The following DMD variants were observed in gnomAD, a reference collection of about 807,000 sequenced individuals.
The protein encoded by DMD is mutant dystrophin.
DMD carries 63 observed loss-of-function variants against 330.1 expected under a neutral mutation model. That is an observed-to-expected ratio of 0.19 (90% CI 0.16 to 0.24). DMD has a LOEUF of 0.24. Ranked by LOEUF, DMD falls within the 10% of genes least tolerant of loss-of-function variation. The pLI, the probability that DMD is intolerant of heterozygous loss-of-function variation, is 1.00. For missense variants in DMD, 3,344 were observed against 2,684.1 expected, an observed-to-expected ratio of 1.25 and a Z score of -5.43; for synonymous variants, 1,223 against 959.8, an observed-to-expected ratio of 1.27 and a Z score of -5.07.
chrX:31,692,009 T>C (rs1436897099), intron 52 of DMD, among the ~76,000 whole-genome samples: 1 of 111,832 alleles, frequency 8.9e-6, no homozygotes, highest in Non-Finnish European at 1.9e-5. Context: ...TTCTCCAGGA[T>C]AGATCATATG....
intron 44 of DMD, among the ~76,000 whole-genome samples, chrX:32,199,053 C>A (rs750415099): frequency 8.9e-6 from 1 of 112,015 alleles, no homozygotes; most frequent in East Asian, 2.8e-4. Flanking sequence ...AATGTGTATA[C>A]GTATTGACGT....
intron 1 of DMD, among the ~76,000 whole-genome samples, chrX:33,295,729 C>G (rs2053574289): frequency 9.0e-6 from 1 of 111,389 alleles, no homozygotes; most frequent in Admixed American, 9.6e-5. Flanking sequence ...GTGCAATAAA[C>G]AGACCCACAT....
intron 2 of DMD, among the ~76,000 whole-genome samples, chrX:32,865,322 AT>A (rs200271694): frequency 0.028 from 3,114 of 111,508 alleles, 116 homozygotes; most frequent in African/African-American, 0.096. Flanking sequence ...ATTAATAGTG[AT>A]TTTTTTGTCG....
At chrX:33,243,445 G>T (rs1052766547) in intron 1 of DMD, among the ~76,000 whole-genome samples, 2 of 111,609 alleles carry the variant, frequency 1.8e-5, no homozygotes, top group Admixed American at 9.5e-5. Flanking sequence ...GCTTAAATAC[G>T]GTTGGTGACA....
intron 21 of DMD, among the ~76,000 whole-genome samples, chrX:32,476,950 C>CAAT (rs2148516791): frequency 9.0e-6 from 1 of 111,166 alleles, no homozygotes; most frequent in Admixed American, 9.6e-5. Flanking sequence ...ATAAACATAT[C>CAAT]CAATCTAATA....
chrX:31,579,582 T>C (rs779571692), intron 55 of DMD, among the ~76,000 whole-genome samples: 2 of 112,440 alleles, frequency 1.8e-5, no homozygotes, highest in South Asian at 7.4e-4. Flanking sequence ...AATTTTAATA[T>C]TCATTTAGTT....
At chrX:32,476,448 C>A (rs1373683619) in intron 21 of DMD, among the ~76,000 whole-genome samples, 2 of 111,344 alleles carry the variant, frequency 1.8e-5, no homozygotes, top group African/African-American at 6.5e-5. Context: ...AAATAAACTT[C>A]CAAAGATTGG....
rs1012852339 is a variant in DMD at position 31,380,525 on chromosome X, T to C, written c.9085-31891A>G. Among the ~76,000 whole-genome samples the C allele has an allele frequency of 1.4e-4, 16 of 111,196 alleles. 1 individual carries two copies. Among genetic ancestry groups the C allele is most frequent in the Admixed American group, 7.7e-4 (8 of 10,409 alleles). Reference sequence around the variant, plus strand: ...ACAGCACGCTTTAAAAGGATTACAGTCTGTTATCACTCGCCTGCTACAGCA... The same window carrying C: ...ACAGCACGCTTTAAAAGGATTACAGCCTGTTATCACTCGCCTGCTACAGCA... On this transcript the variant is annotated intron_variant, in intron 60 of 78. Coordinates refer to ENST00000357033, the MANE Select transcript of DMD (RefSeq NM_004006.3).
At chrX:32,508,878 T>A (rs1178185721) in intron 18 of DMD, among the ~76,000 whole-genome samples, 1 of 110,778 alleles carries the variant, frequency 9.0e-6, no homozygotes, top group Non-Finnish European at 1.9e-5. Flanking sequence ...TGGCGCAATC[T>A]TGGCTCACTG....
In DMD at chrX:31,663,662, C is replaced by T. The variant is rs774877108; in HGVS notation, c.7873-5518G>A. Among the ~76,000 whole-genome samples, 9 of 111,318 alleles carry T rather than the reference C, an allele frequency of 8.1e-5. No individual in the cohort carries two copies. In the East Asian group the frequency reaches 2.6e-3, roughly 32 times the overall value. The stretch of plus-strand genomic sequence containing the variant: ...AAGTTGATTTCACCATCTGGGCACC[C>T]ATCTATTCTGGGATCCTCCTCCACA... On this transcript the variant is annotated intron_variant, in intron 53 of 78. Transcript: ENST00000357033.
intron 44 of DMD, among the ~76,000 whole-genome samples, chrX:31,971,666 G>A (rs1398840257): frequency 9.0e-6 from 1 of 111,563 alleles, no homozygotes; most frequent in Non-Finnish European, 1.9e-5. Context: ...TGTATGTGGT[G>A]TTTTCTGAGC....
intron 62 of DMD, among the ~76,000 whole-genome samples, chrX:31,314,370 C>T (rs1191193159): frequency 8.9e-6 from 1 of 112,043 alleles, no homozygotes; most frequent in Non-Finnish European, 1.9e-5. Context: ...CCTTCTAAAG[C>T]AACAAAGAAG....
At position 32,148,927 on chromosome X, in the gene DMD, A is replaced by G. The variant is rs1302038334; in HGVS notation, c.6438+67989T>C. On this transcript the variant is annotated intron_variant, in intron 44 of 78. Transcript: ENST00000357033. ...GCTAAAATGGTTTCCGAGCATTACA[A>G]GAAGAGTTCACTTGGCTACTGTCTT... 2.7e-5 allele frequency among the ~76,000 whole-genome samples: 3 copies of G among 111,898 alleles called. No homozygotes were observed. The Admixed American group carries it at 2.9e-4, about 11-fold the overall frequency.
chrX:32,685,694 G>A (rs1445951664), intron 9 of DMD, among the ~76,000 whole-genome samples: 2 of 111,632 alleles, frequency 1.8e-5, no homozygotes, highest in Non-Finnish European at 3.8e-5. Context: ...ATCTGGATTT[G>A]CTACACATAA....
intron 1 of DMD, among the ~76,000 whole-genome samples, chrX:33,231,538 C>A (rs2052387908): frequency 9.0e-6 from 1 of 111,686 alleles, no homozygotes; most frequent in Admixed American, 9.5e-5. Flanking sequence ...AGCCATGTCC[C>A]TGGCAAGAAA....
intron 17 of DMD, among the ~76,000 whole-genome samples, chrX:32,522,616 A>G (rs2046554049): frequency 8.9e-6 from 1 of 112,398 alleles, no homozygotes; most frequent in Non-Finnish European, 1.9e-5. Context: ...ATAAAGAACA[A>G]AATTTCAACA....
At chrX:31,798,547 TAA>T (rs771274667) in intron 50 of DMD, among the ~76,000 whole-genome samples, 12 of 86,019 alleles carry the variant, frequency 1.4e-4, no homozygotes, top group Admixed American at 3.9e-4. Flanking sequence ...TGGAATGAAG[TAA>T]AAAAAAAAAA....
chrX:32,807,122 T>TAAAAAAAAA (rs999286386), intron 7 of DMD, among the ~76,000 whole-genome samples: 7 of 20,741 alleles, frequency 3.4e-4, no homozygotes, highest in Admixed American at 1.3e-3. Flanking sequence ...CGGAAACATT[T>TAAAAAAAAA]AAAAAAAAAA....
intron 43 of DMD, among the ~76,000 whole-genome samples, chrX:32,230,505 A>G (rs1260400662): frequency 1.8e-5 from 2 of 111,697 alleles, no homozygotes; most frequent in Admixed American, 1.9e-4. Context: ...TCGGCCTCCC[A>G]AAGTGCTGGG....
Sources: gnomAD v4.1 joint callset for allele counts (sites outside exome capture counted in the v4.1 genomes callset) on GRCh38, gnomAD v4.1.1 for gene constraint, MANE v1.5 for transcripts, NCBI Gene and HGNC (gene_info 2026-07-23, HGNC 2026-07-21) for gene names.